EPM2A: variants seen among roughly 807,000 people sequenced by gnomAD.
The protein encoded by EPM2A is EPM2A glucan phosphatase, laforin, also known as laforin.
EPM2A carries 21 observed loss-of-function variants against 26.5 expected under a neutral mutation model. The observed-to-expected ratio is 0.79, with a 90% CI of 0.56 to 1.14. The LOEUF (loss-of-function observed/expected upper bound fraction) is 1.14, where lower values mean the gene tolerates loss of function less well. Ranked by LOEUF, EPM2A falls within the 50% of genes most tolerant of loss-of-function variation. The pLI is 0.00. For synonymous variants in EPM2A, 217 were observed against 177.6 expected, an observed-to-expected ratio of 1.22 and a Z score of -1.76; for missense variants, 458 against 440.8, an observed-to-expected ratio of 1.04 and a Z score of -0.35.
downstream of EPM2A, among the ~76,000 whole-genome samples, chr6:145,623,075 G>T (rs1243424792): frequency 6.6e-6 from 1 of 152,068 alleles, no homozygotes; most frequent in Non-Finnish European, 1.5e-5. Flanking sequence ...CTATAACATT[G>T]TATGCTCTCA....
chr6:145,457,219 G>A (rs1408497571), intron 4 of EPM2A, among the ~76,000 whole-genome samples: 1 of 152,116 alleles, frequency 6.6e-6, no homozygotes, highest in African/African-American at 2.4e-5. Context: ...CTTTGGCTGG[G>A]TGTGGCGGCT....
chr6:145,492,128 C>A (rs2114742542), intron 4 of EPM2A: 1 of 209,610 alleles, frequency 4.8e-6, no homozygotes, highest in Middle Eastern at 1.8e-3. Flanking sequence ...GTCTGTCCTC[C>A]TTCTGAAGCA....
intron 4 of EPM2A, among the ~76,000 whole-genome samples, chr6:145,439,517 G>A (rs558905258): frequency 2.6e-4 from 40 of 152,216 alleles, no homozygotes; most frequent in African/African-American, 6.3e-4. Flanking sequence ...TCTGACTGAC[G>A]TGAGATGGTA....
chr6:145,549,216 C>T (rs1780622844), intron 2 of EPM2A, among the ~76,000 whole-genome samples: 1 of 152,056 alleles, frequency 6.6e-6, no homozygotes, highest in Non-Finnish European at 1.5e-5. Flanking sequence ...ATTCTTGCCC[C>T]CTGCTCAATT....
chr6:145,663,583 A>C (rs1778911679), intron 2 of EPM2A, among the ~76,000 whole-genome samples: 2 of 151,992 alleles, frequency 1.3e-5, no homozygotes, highest in African/African-American at 4.8e-5. Context: ...AAGTTGGAAA[A>C]CACTCTGCAG....
intron 2 of EPM2A, chr6:145,671,055 T>G: frequency 1.0e-6 from 1 of 985,322 alleles, no homozygotes; most frequent in Non-Finnish European, 1.2e-6. Context: ...TGTCTATCTT[T>G]GCCCAGTAAT....
At chr6:145,688,882 G>A (rs2128616880) in intron 1 of EPM2A, among the ~76,000 whole-genome samples, 1 of 152,332 alleles carries the variant, frequency 6.6e-6, no homozygotes, top group East Asian at 1.9e-4. Flanking sequence ...AAATGGAATT[G>A]GATGGAGGGG....
chr6:145,499,062 A>G (rs2114749089), downstream of EPM2A, among the ~76,000 whole-genome samples: 2 of 152,288 alleles, frequency 1.3e-5, no homozygotes, highest in Middle Eastern at 6.8e-3. Flanking sequence ...CTTCCTGATG[A>G]TTCTTCACAC....
At chr6:145,586,660 G>A (rs1781199578) in intron 2 of EPM2A, among the ~76,000 whole-genome samples, 2 of 152,114 alleles carry the variant, frequency 1.3e-5, no homozygotes, top group Admixed American at 1.3e-4. Flanking sequence ...AAAGACGCAT[G>A]CCTTCATTTA....
intron 2 of EPM2A, among the ~76,000 whole-genome samples, chr6:145,581,320 G>A (rs968409252): frequency 6.6e-6 from 1 of 151,938 alleles, no homozygotes; most frequent in South Asian, 2.1e-4. Context: ...TGCCTTTTAT[G>A]TCTTTTGTCT....
chr6:145,575,960 C>T (rs188924365), intron 2 of EPM2A, among the ~76,000 whole-genome samples: 91 of 152,272 alleles, frequency 6.0e-4, no homozygotes, highest in African/African-American at 1.8e-3. Flanking sequence ...CTCAGCCTCC[C>T]GAGTAGCTGG....
chr6:145,686,667 T>C (rs1051529602), intron 1 of EPM2A, among the ~76,000 whole-genome samples: 5 of 151,970 alleles, frequency 3.3e-5, no homozygotes, highest in East Asian at 1.9e-4. Context: ...CACTTCTATC[T>C]TTCTGGTATG....
chr6:145,589,666 G>T (rs973586124), intron 2 of EPM2A, among the ~76,000 whole-genome samples: 1 of 152,112 alleles, frequency 6.6e-6, no homozygotes, highest in Non-Finnish European at 1.5e-5. Context: ...TCAAGTGTAT[G>T]AATGAAAAGA....
At chr6:145,469,484 C>T (rs1021882153) in intron 4 of EPM2A, among the ~76,000 whole-genome samples, 6 of 152,042 alleles carry the variant, frequency 3.9e-5, no homozygotes, top group Non-Finnish European at 8.8e-5. Flanking sequence ...TATCATCTCA[C>T]TCCAGTTAAA....
rs1776570738 is a variant in EPM2A at position 145,635,327 on chromosome 6, C to T, written c.636G>A (p.Met212Ile). Residue 212 changes from methionine to isoleucine, a missense_variant, in exon 3 of 4, where the codon ATG becomes ATA. Met to Ile is a conservative substitution (Grantham distance 10). Coordinates refer to ENST00000367519, the MANE Select transcript of EPM2A (RefSeq NM_005670.4). ...SSGCNRYPEPMTPDTMIKLYR... is the reference protein window; with the variant it reads ...SSGCNRYPEPITPDTMIKLYR... Reference sequence around the variant, plus strand: ...ATAGTTTAATCATAGTGTCTGGAGTCATGGGCTCTGGGTAGCGGTTACAGC... The same window carrying T: ...ATAGTTTAATCATAGTGTCTGGAGTTATGGGCTCTGGGTAGCGGTTACAGC... 19 of 1,614,144 alleles carry T rather than the reference C, an allele frequency of 1.2e-5. No homozygotes were observed. Among genetic ancestry groups the T allele is most frequent in the Non-Finnish European group, 1.6e-5 (19 of 1,180,012 alleles).
intron 4 of EPM2A, among the ~76,000 whole-genome samples, chr6:145,402,370 T>C (rs1778502118): frequency 1.3e-5 from 2 of 152,052 alleles, no homozygotes; most frequent in African/African-American, 2.4e-5. Flanking sequence ...CCTTCAAAGG[T>C]GTGAAATGTC....
At chr6:145,429,672 A>G (rs1778897658) in intron 4 of EPM2A, among the ~76,000 whole-genome samples, 1 of 152,214 alleles carries the variant, frequency 6.6e-6, no homozygotes, top group African/African-American at 2.4e-5. Flanking sequence ...AACAAGAAAT[A>G]CATGTACATT....
intron 4 of EPM2A, among the ~76,000 whole-genome samples, chr6:145,478,278 A>G (rs1779566032): frequency 6.6e-6 from 1 of 151,916 alleles, no homozygotes; most frequent in African/African-American, 2.4e-5. Flanking sequence ...GTTGAAGAGG[A>G]CACCAAAAAA....
chr6:145,472,546 T>G (rs1487069152), intron 4 of EPM2A, among the ~76,000 whole-genome samples: 1 of 151,196 alleles, frequency 6.6e-6, no homozygotes, highest in African/African-American at 2.4e-5. Context: ...CCCTGAAGAG[T>G]GAGTTCTGGG....
Sources: allele counts gnomAD v4.1 joint callset (sites outside exome capture counted in the v4.1 genomes callset), GRCh38; gene constraint gnomAD v4.1.1; transcripts MANE v1.5; gene names NCBI Gene and HGNC (gene_info 2026-07-23, HGNC 2026-07-21).